The following DEFB131A variants were observed in gnomAD, a reference collection of about 807,000 sequenced individuals.
DEFB131A encodes the protein beta-defensin 131A.
A neutral mutation model predicts 2.4 loss-of-function variants in DEFB131A; 5 were observed. The ratio of observed to expected loss-of-function variants is 2.12; its 90% CI spans 1.11 to 4.47. DEFB131A has a LOEUF of 4.47. DEFB131A is among the 30% of genes most tolerant of loss of function. The probability of loss-of-function intolerance (pLI) is 0.00; values close to 1 mark genes in which losing one functional copy is unlikely to be tolerated. For missense variants in DEFB131A, 120 were observed against 79.9 expected (o/e 1.50, Z -1.91); for synonymous variants, 34 against 25.7 (o/e 1.32, Z -0.97).
chr4:9,445,498 A>T (rs1410617107), intron 1 of DEFB131A, among the ~76,000 whole-genome samples: 1 of 152,084 alleles, frequency 6.6e-6, no homozygotes, highest in South Asian at 2.1e-4. Flanking sequence ...TAATAAAAAC[A>T]TATTAAACTG....
At chr4:9,444,988 C>T (rs1222974368) in intron 1 of DEFB131A, among the ~76,000 whole-genome samples, 3 of 151,856 alleles carry the variant, frequency 2.0e-5, no homozygotes, top group Non-Finnish European at 4.4e-5. Flanking sequence ...GAAGCTTAGG[C>T]AGGATCGCTC....
At position 9,444,532 on chromosome 4, in the gene DEFB131A, C is replaced by A; in HGVS notation, c.-2C>A. 6.2e-7 allele frequency: 1 copy of A among 1,611,676 alleles called. No individual in the cohort carries two copies. The highest frequency in any genetic ancestry group is 1.7e-5 in the Admixed American group (1 of 60,008). ...TCTCTAACCTGCTTTACCTATTCAA[C>A]CATGAGGGTCTTGTTTTTTGTCTTT... On this transcript the variant is annotated 5_prime_UTR_variant, in exon 1 of 2. Coordinates refer to ENST00000334879, the MANE Select transcript of DEFB131A (RefSeq NM_001040448.3).
intron 1 of DEFB131A, among the ~76,000 whole-genome samples, chr4:9,449,047 C>T (rs1429940454): frequency 6.6e-6 from 1 of 151,634 alleles, no homozygotes; most frequent in Non-Finnish European, 1.5e-5. Flanking sequence ...ATAGCACTAA[C>T]AACAAGCACT....
intron 1 of DEFB131A, among the ~76,000 whole-genome samples, chr4:9,445,042 T>C (rs1279641486): frequency 1.3e-5 from 2 of 152,108 alleles, no homozygotes; most frequent in African/African-American, 4.8e-5. Flanking sequence ...GTCATGCCAC[T>C]GCACACCAGC....
intron 1 of DEFB131A, among the ~76,000 whole-genome samples, chr4:9,447,223 C>T (rs1717526377): frequency 6.6e-6 from 1 of 152,168 alleles, no homozygotes; most frequent in African/African-American, 2.4e-5. Context: ...AGGTGTATCT[C>T]TCTCTTTAGC....
intron 1 of DEFB131A, 112 bp downstream of exon 1, chr4:9,444,703 T>C (rs1717445746): frequency 2.8e-6 from 3 of 1,059,910 alleles, no homozygotes; most frequent in African/African-American, 1.5e-5. Context: ...TACTGTACCA[T>C]GAAGGCTGCT....
intron 1 of DEFB131A, among the ~76,000 whole-genome samples, chr4:9,447,581 C>T (rs1280135378): frequency 1.3e-5 from 2 of 152,048 alleles, no homozygotes; most frequent in African/African-American, 4.8e-5. Context: ...AGCTGCTTGC[C>T]TTCTTGCCAT....
intron 1 of DEFB131A, among the ~76,000 whole-genome samples, chr4:9,447,992 C>T (rs1717546520): frequency 6.6e-6 from 1 of 151,958 alleles, no homozygotes; most frequent in Non-Finnish European, 1.5e-5. Context: ...AATGAAATAT[C>T]AGGAGGAGGG....
chr4:9,448,541 C>A (rs1462526011), intron 1 of DEFB131A, among the ~76,000 whole-genome samples: 1 of 152,090 alleles, frequency 6.6e-6, no homozygotes, highest in Non-Finnish European at 1.5e-5. Flanking sequence ...CCAGGCTGGT[C>A]TCGAACTCCT....
At position 9,450,339 on chromosome 4, in the gene DEFB131A, A is replaced by T. The variant is rs199519369; in HGVS notation, c.59-21A>T. Reference sequence around the variant, plus strand: ...AAAGTAAGTAATATTGTGTCATATAATTTGTCTTCTCTTTTTAAAGCCAGA... The same window carrying T: ...AAAGTAAGTAATATTGTGTCATATATTTTGTCTTCTCTTTTTAAAGCCAGA... On this transcript the variant is annotated intron_variant, in intron 1 of 1. Transcript: ENST00000334879. 10 of 1,527,434 alleles carry T rather than the reference A, an allele frequency of 6.5e-6. No homozygotes were observed. In the East Asian group the frequency reaches 1.6e-4, roughly 25 times the overall value. The allele number at this position is 1,527,434 out of a possible 1,614,324, so 94.6% of individuals were successfully genotyped here. A position where few individuals can be genotyped will look rare whatever the true frequency, so the allele number is the denominator to read the frequency against.
intron 1 of DEFB131A, among the ~76,000 whole-genome samples, chr4:9,447,206 G>C (rs952076764): frequency 1.3e-5 from 2 of 152,126 alleles, no homozygotes; most frequent in African/African-American, 4.8e-5. Context: ...CAGTTATCAT[G>C]ATGTTGAGGT....
At chr4:9,445,441 A>G (rs1437029945) in intron 1 of DEFB131A, among the ~76,000 whole-genome samples, 1 of 152,176 alleles carries the variant, frequency 6.6e-6, no homozygotes, top group Non-Finnish European at 1.5e-5. Flanking sequence ...TAATTAAATA[A>G]TCAATACGAC....
At chr4:9,445,663 C>T (rs1318030267) in intron 1 of DEFB131A, among the ~76,000 whole-genome samples, 4 of 151,924 alleles carry the variant, frequency 2.6e-5, no homozygotes, top group African/African-American at 9.7e-5. Context: ...TGCCTTTCCT[C>T]CATGAATGTT....
Position 9,450,526 on chromosome 4 carries a change from C to T in DEFB131A, c.*12C>T, listed in dbSNP as rs1173112119. ...AAAAGAAGTGGTGAAAATTCTAACT[C>T]CATCTTCTTCAGACTCCGGGACAAA... On this transcript the variant is annotated 3_prime_UTR_variant, in exon 2 of 2. Transcript: ENST00000334879. 3 of 1,605,996 alleles carry T rather than the reference C, an allele frequency of 1.9e-6. No homozygotes were observed. The highest frequency in any genetic ancestry group is 4.5e-5 in the East Asian group (2 of 44,668).
chr4:9,444,688 G>T (rs1717445408), intron 1 of DEFB131A, 97 bp downstream of exon 1: 1 of 1,242,122 alleles, frequency 8.1e-7, no homozygotes, highest in Non-Finnish European at 1.1e-6. Context: ...GGCATGGGCA[G>T]ATTTTACTGT....
At chr4:9,447,684 C>T (rs760496882) in intron 1 of DEFB131A, among the ~76,000 whole-genome samples, 2 of 151,192 alleles carry the variant, frequency 1.3e-5, no homozygotes, top group African/African-American at 2.4e-5. Context: ...AGGGCCATAC[C>T]CTGGGAGTCT....
intron 1 of DEFB131A, among the ~76,000 whole-genome samples, chr4:9,445,938 CCTT>C (rs1329830264): frequency 6.6e-6 from 1 of 152,066 alleles, no homozygotes; most frequent in Non-Finnish European, 1.5e-5. Flanking sequence ...TTCATGTCTG[CCTT>C]CTTTTATTTA....
intron 1 of DEFB131A, among the ~76,000 whole-genome samples, chr4:9,447,696 A>C (rs1236120781): frequency 6.7e-6 from 1 of 149,746 alleles, no homozygotes; most frequent in African/African-American, 2.5e-5. Flanking sequence ...TGGGAGTCTC[A>C]TTTTAGCTTT....
chr4:9,448,677 A>T (rs1158520425), intron 1 of DEFB131A, among the ~76,000 whole-genome samples: 1 of 152,166 alleles, frequency 6.6e-6, no homozygotes, highest in Non-Finnish European at 1.5e-5. Flanking sequence ...ACAAAAATAG[A>T]GTTTGTCACC....
Sources: allele counts gnomAD v4.1 joint callset (sites outside exome capture counted in the v4.1 genomes callset), GRCh38; gene constraint gnomAD v4.1.1; transcripts MANE v1.5; gene names NCBI Gene and HGNC (gene_info 2026-07-23, HGNC 2026-07-21).